The following MROH7 variants were observed in gnomAD, a reference collection of about 807,000 sequenced individuals.
MROH7 encodes maestro heat-like repeat-containing protein family member 7.
MROH7 carries 113 observed loss-of-function variants against 129.2 expected under a neutral mutation model. The observed-to-expected ratio is 0.87, with a 90% confidence interval of 0.75 to 1.02. The LOEUF is 1.02. Ranked by LOEUF, MROH7 falls within the 50% of genes least tolerant of loss-of-function variation. MROH7 has a pLI of 0.00. For synonymous variants in MROH7, 655 were observed against 667.9 expected, an observed-to-expected ratio of 0.98 and a Z score of 0.30; for missense variants, 1,601 against 1,671.3, an observed-to-expected ratio of 0.96 and a Z score of 0.73.
chr1:54,651,379 G>T (rs1644552366), intron 1 of MROH7: 1 of 152,246 alleles, frequency 6.6e-6, no homozygotes. Context: ...ACCTGTCTAG[G>T]GGACCTGGAA....
In MROH7 at chr1:54,673,688, T is replaced by C. The variant is rs1644937102; in HGVS notation, c.1696-13T>C. ...CTAACCTGTAGTTCTGAGTCTTGCT[T>C]TTGATCCCACAGGCCCTGGGGCCTT... is the stretch of plus-strand genomic sequence containing the variant. On this transcript the variant is annotated splice_polypyrimidine_tract_variant and intron_variant, in intron 8 of 23. Coordinates refer to ENST00000421030, the MANE Select transcript of MROH7 (RefSeq NM_001039464.4). 6.3e-7 allele frequency: 1 copy of C among 1,596,698 alleles called. No homozygotes were observed. The highest frequency in any genetic ancestry group is 1.7e-4 in the Middle Eastern group (1 of 6,042).
Position 54,653,621 on chromosome 1 carries a change from T to C in MROH7, c.695T>C (p.Val232Ala). 1 of 1,614,184 alleles carries C rather than the reference T, an allele frequency of 6.2e-7. No individual in the cohort carries two copies. Among genetic ancestry groups the C allele is most frequent in the African/African-American group, 1.3e-5 (1 of 75,058 alleles). ...AACACCTCCAAGCTGAACCTGAATG[T>C]AGCTCCAGATTCTCATGGGACCCTA... ...SRNTSKLNLN[V>A]APDSHGTLIP... The change falls in exon 3 of 24, where the codon GTA (valine) becomes GCA (alanine). Residue 232 changes from valine to alanine, a missense_variant. Val to Ala is a moderately conservative substitution (Grantham distance 64). Coordinates refer to ENST00000421030, the MANE Select transcript of MROH7 (RefSeq NM_001039464.4).
intron 16 of MROH7, among the ~76,000 whole-genome samples, chr1:54,694,737 T>C (rs1645293771): frequency 6.6e-6 from 1 of 152,118 alleles, no homozygotes; most frequent in African/African-American, 2.4e-5. Context: ...CCCAAAGTGG[T>C]CAGGCCTGAG....
At chr1:54,694,329 C>T (rs1052643202) in intron 16 of MROH7, among the ~76,000 whole-genome samples, 5 of 152,270 alleles carry the variant, frequency 3.3e-5, no homozygotes, top group African/African-American at 1.2e-4. Flanking sequence ...GATTGCCAGA[C>T]TGCACTGGAT....
At chr1:54,660,408 G>A (rs1004474104) in intron 3 of MROH7, among the ~76,000 whole-genome samples, 3 of 152,120 alleles carry the variant, frequency 2.0e-5, no homozygotes, top group African/African-American at 7.2e-5. Context: ...AATTTTGAAG[G>A]GGACACAAAT....
At chr1:54,683,795 A>G (rs1175876635) in intron 14 of MROH7, among the ~76,000 whole-genome samples, 1 of 152,280 alleles carries the variant, frequency 6.6e-6, no homozygotes, top group Non-Finnish European at 1.5e-5. Context: ...CTCTCCACCG[A>G]GCTAACTTCT....
chr1:54,665,345 C>G lies in MROH7; in HGVS notation c.1305+105C>G. 5.3e-6 allele frequency: 4 copies of G among 755,294 alleles called. No individual in the cohort carries two copies. In the South Asian group the frequency reaches 6.8e-5, roughly 13 times the overall value. The allele number at this position is 755,294 out of a possible 1,614,324, so 46.8% of individuals were successfully genotyped here. A position where few individuals can be genotyped will look rare whatever the true frequency, so the allele number is the denominator to read the frequency against. Reference sequence around the variant, plus strand: ...CCTCCGCATTCCCCATGCCTCTGCCCAGCTCTCCTTTTCTCCATAACATTC... The same window carrying G: ...CCTCCGCATTCCCCATGCCTCTGCCGAGCTCTCCTTTTCTCCATAACATTC... On this transcript the variant is annotated intron_variant, in intron 4 of 23. Transcript: ENST00000421030.
At position 54,700,248 on chromosome 1, in the gene MROH7, C is replaced by T. The variant is rs571769749; in HGVS notation, c.2965-73C>T. 1.4e-5 allele frequency: 22 copies of T among 1,591,112 alleles called. 2 individuals are homozygous for T. The Admixed American group carries it at 3.6e-4, about 26-fold the overall frequency. On this transcript the variant is annotated intron_variant, in intron 17 of 23. Coordinates refer to ENST00000421030, the MANE Select transcript of MROH7 (RefSeq NM_001039464.4). Reference sequence around the variant, plus strand: ...CTGAGCCTGGTATCCAATGTGCAATCCCAGTGCATGGGAGGCCAGGGGGCT... The same window carrying T: ...CTGAGCCTGGTATCCAATGTGCAATTCCAGTGCATGGGAGGCCAGGGGGCT...
intron 3 of MROH7, among the ~76,000 whole-genome samples, chr1:54,660,570 T>C (rs561290784): frequency 2.0e-5 from 3 of 152,202 alleles, no homozygotes; most frequent in Non-Finnish European, 4.4e-5. Flanking sequence ...TCCCAGCACT[T>C]TGGGAGGCTG....
chr1:54,697,596 T>G, intron 17 of MROH7: 1 of 686,596 alleles, frequency 1.5e-6, no homozygotes, highest in East Asian at 2.7e-5. Flanking sequence ...ACAGGCCTAC[T>G]ATGTGCCAAA....
At chr1:54,695,109 A>G (rs963517479) in intron 16 of MROH7, among the ~76,000 whole-genome samples, 2 of 152,106 alleles carry the variant, frequency 1.3e-5, no homozygotes, top group Non-Finnish European at 2.9e-5. Flanking sequence ...TGTGCAGCTG[A>G]GGGTCTTCAG....
intron 22 of MROH7, among the ~76,000 whole-genome samples, chr1:54,707,144 C>CA (rs1216170982): frequency 6.6e-6 from 1 of 152,084 alleles, no homozygotes; most frequent in Admixed American, 6.6e-5. Flanking sequence ...AACAAACAAA[C>CA]AAAAAACACC....
intron 17 of MROH7, among the ~76,000 whole-genome samples, chr1:54,696,376 A>G (rs1027262153): frequency 6.6e-6 from 1 of 152,206 alleles, no homozygotes; most frequent in South Asian, 2.1e-4. Context: ...GTCCAATGAC[A>G]TTAATACATT....
chr1:54,671,648 C>T (rs938460187), intron 7 of MROH7, among the ~76,000 whole-genome samples: 12 of 152,068 alleles, frequency 7.9e-5, no homozygotes, highest in African/African-American at 2.9e-4. Flanking sequence ...TGGAGGTGAC[C>T]CTCAGGGTAG....
At chr1:54,699,159 T>TTCC (rs1645383840) in intron 17 of MROH7, 1 of 65,920 alleles carries the variant, frequency 1.5e-5, no homozygotes, top group Admixed American at 1.6e-4. Flanking sequence ...TCTTTCTTTC[T>TTCC]TTTCTTTCTT....
intron 13 of MROH7, 143 bp from the exon 14 acceptor site, chr1:54,682,513 T>G: frequency 1.3e-6 from 1 of 742,592 alleles, no homozygotes; most frequent in East Asian, 2.7e-5. Context: ...TCTTTGGGAG[T>G]GTTTTCTGGA....
intron 17 of MROH7, chr1:54,698,575 A>C (rs927945943): frequency 6.5e-6 from 1 of 152,678 alleles, no homozygotes; most frequent in African/African-American, 2.4e-5. Flanking sequence ...GTCACAGGAG[A>C]TGTCAGGCAA....
intron 21 of MROH7, among the ~76,000 whole-genome samples, chr1:54,704,430 T>A (rs1366187787): frequency 3.8e-5 from 1 of 25,988 alleles, no homozygotes; most frequent in Non-Finnish European, 6.2e-5. Context: ...TAGAAACCTA[T>A]TTTTTTTTTT....
intron 16 of MROH7, among the ~76,000 whole-genome samples, chr1:54,693,242 G>A (rs1291743164): frequency 6.6e-6 from 1 of 152,174 alleles, no homozygotes; most frequent in Non-Finnish European, 1.5e-5. Flanking sequence ...GATGGTAAGT[G>A]TCAGTTGGGT....
Sources: gnomAD v4.1 joint callset for allele counts (sites outside exome capture counted in the v4.1 genomes callset) on GRCh38, gnomAD v4.1.1 for gene constraint, MANE v1.5 for transcripts, NCBI Gene and HGNC (gene_info 2026-07-23, HGNC 2026-07-21) for gene names.